The following AOC1 variants were observed in gnomAD, a reference collection of about 807,000 sequenced individuals.
The protein encoded by AOC1 is diamine oxidase [copper-containing].
In AOC1, 58 loss-of-function variants were observed where a neutral mutation model predicts 57.1. The ratio of observed to expected loss-of-function variants is 1.02; its 90% confidence interval spans 0.82 to 1.26. The LOEUF is 1.26. Among genes scored for constraint, AOC1 ranks in the 50% most tolerant of loss-of-function variants. The pLI is 0.00. For missense variants in AOC1, 917 were observed against 1,005.3 expected, an observed-to-expected ratio of 0.91 and a Z score of 1.19; for synonymous variants, 401 against 423.4, an observed-to-expected ratio of 0.95 and a Z score of 0.65.
At chr7:150,855,727 G>A (rs1161846674) in intron 1 of AOC1, among the ~76,000 whole-genome samples, 1 of 152,168 alleles carries the variant, frequency 6.6e-6, no homozygotes, top group Admixed American at 6.5e-5. Flanking sequence ...GGCTGGTGTC[G>A]ATAGCCTGTA....
intron 4 of AOC1, 124 bp downstream of exon 4, chr7:150,860,757 G>A: frequency 7.2e-7 from 1 of 1,390,364 alleles, no homozygotes; most frequent in Non-Finnish European, 9.9e-7. Context: ...CCCAGTCGCA[G>A]GAGCTGTGCC....
At chr7:150,853,418 A>G (rs555324492) in intron 1 of AOC1, among the ~76,000 whole-genome samples, 2 of 152,028 alleles carry the variant, frequency 1.3e-5, no homozygotes, top group East Asian at 3.9e-4. Context: ...ATTCCTCTTT[A>G]AAAGACTCCT....
At position 150,855,386 on chromosome 7, in the gene AOC1, G is replaced by A. The variant is rs138183746; in HGVS notation, c.-16-1069G>A. On this transcript the variant is annotated intron_variant, in intron 1 of 4. Transcript: ENST00000360937. ...AGAGTAACAGTCTCCCAGAGACTCC[G>A]CACACAGCACATGGGAAGACAGAGC... Among the ~76,000 whole-genome samples, 12 of 152,292 alleles carry A rather than the reference G, an allele frequency of 7.9e-5. No homozygotes were observed. In the East Asian group the frequency reaches 1.9e-3, roughly 24 times the overall value.
In AOC1 at chr7:150,857,229, T is replaced by G. The variant is rs1285867158; in HGVS notation, c.759T>G (p.Tyr253Ter). The G allele has an allele frequency of 1.2e-6, 2 of 1,612,396 alleles. No homozygotes were observed. Among genetic ancestry groups the G allele is most frequent in the Admixed American group, 3.3e-5 (2 of 59,882 alleles). ...YGSPEELARK[Y>*]ADGEVDVVVL... The stretch of plus-strand genomic sequence containing the variant: ...GCCCAGAGGAACTGGCTCGGAAGTA[T>G]GCAGATGGAGAGGTGGACGTGGTGG... Residue 253 changes from tyrosine (Y) to a stop codon, truncating the protein, a stop_gained, in exon 2 of 5, where the codon TAT becomes TAG. Coordinates refer to ENST00000360937, the MANE Select transcript of AOC1 (RefSeq NM_001091.4). LOFTEE classifies it high-confidence loss of function. This position sits in a 1 kb window ranked among gnomAD's most constrained non-coding sequence, Gnocchi z 6.6.
chr7:150,856,675 G>C lies in AOC1; in HGVS notation c.205G>C (p.Val69Leu), dbSNP rs774524565. ...SSTTTMAKNTVFLIEMLLPKK... is the reference protein window; with the variant it reads ...SSTTTMAKNTLFLIEMLLPKK... Reference sequence around the variant, plus strand: ...TACCACCACCATGGCCAAGAACACCGTGTTTCTCATCGAGATGCTGCTGCC... The same window carrying C: ...TACCACCACCATGGCCAAGAACACCCTGTTTCTCATCGAGATGCTGCTGCC... The change falls in exon 2 of 5, where the codon GTG becomes CTG. Residue 69 changes from valine (V) to leucine (L), a missense_variant. By Grantham distance (32) the Val-to-Leu change is conservative. Transcript: ENST00000360937. This position sits in a 1 kb window ranked among gnomAD's most constrained non-coding sequence, Gnocchi z 5.2. 6.2e-7 allele frequency: 1 copy of C among 1,614,178 alleles called. No homozygotes were observed. Among genetic ancestry groups the C allele is most frequent in the African/African-American group, 1.3e-5 (1 of 75,058 alleles).
rs1246940222 is a variant in AOC1 at position 150,856,091 on chromosome 7, C to T, written c.-16-364C>T. On this transcript the variant is annotated intron_variant, in intron 1 of 4. Coordinates refer to ENST00000360937, the MANE Select transcript of AOC1 (RefSeq NM_001091.4). This position sits in a 1 kb window ranked among gnomAD's most constrained non-coding sequence, Gnocchi z 5.2. ...CTGTTAATACAGGTGTCTTCTTCTCCAGGACACAAGAAGCACCTGGGGGCA... is the reference window on the plus strand; with the variant it reads ...CTGTTAATACAGGTGTCTTCTTCTCTAGGACACAAGAAGCACCTGGGGGCA... Among the ~76,000 whole-genome samples the T allele has an allele frequency of 3.3e-5, 5 of 152,150 alleles. No homozygotes were observed. The highest frequency in any genetic ancestry group is 1.2e-4 in the African/African-American group (5 of 41,452).
Position 150,861,378 on chromosome 7 carries a change from A to C in AOC1, c.*169A>C. ...CGTGCACACACACAGACGTGCACAC[A>C]CACACAGACATGCACACACACACAG... On this transcript the variant is annotated 3_prime_UTR_variant, in exon 5 of 5. Transcript: ENST00000360937. This position sits in a 1 kb window ranked among gnomAD's most constrained non-coding sequence, Gnocchi z 4.5. The C allele has an allele frequency of 2.8e-6, 2 of 719,424 alleles. No homozygotes were observed. The highest frequency in any genetic ancestry group is 4.8e-5 in the South Asian group (2 of 41,770). 44.6% of individuals were successfully genotyped at this position (719,424 alleles called of 1,614,324 possible).
Position 150,861,042 on chromosome 7 carries a change from C to T in AOC1, c.2089C>T (p.Arg697Trp), listed in dbSNP as rs368688152. 4.4e-5 allele frequency: 71 copies of T among 1,614,124 alleles called. No homozygotes were observed. The highest frequency in any genetic ancestry group is 5.6e-5 in the Non-Finnish European group (66 of 1,179,982). The change falls in exon 5 of 5, where the codon CGG becomes TGG. Residue 697 changes from arginine (R) to tryptophan (W), a missense_variant. Coordinates refer to ENST00000360937, the MANE Select transcript of AOC1 (RefSeq NM_001091.4). This position sits in a 1 kb window ranked among gnomAD's most constrained non-coding sequence, Gnocchi z 4.5. ...TGGGAACTCCGTGGGCTTCCTGCTC[C>T]GGCCATTCAACTTCTTCCCAGAGGA... ...TPGNSVGFLL[R>W]PFNFFPEDPS...
At chr7:150,860,188 AAAAG>A (rs1344563807) in intron 3 of AOC1, among the ~76,000 whole-genome samples, 54 of 142,724 alleles carry the variant, frequency 3.8e-4, no homozygotes, top group African/African-American at 1.6e-3. Flanking sequence ...AAAAAAAAGA[AAAAG>A]AAAAGAAAAG....
At position 150,858,027 on chromosome 7, in the gene AOC1, C is replaced by A. The variant is rs1180880993; in HGVS notation, c.1557C>A (p.Asp519Glu). The A allele has an allele frequency of 1.3e-6, 2 of 1,519,676 alleles. No individual in the cohort carries two copies. The highest frequency in any genetic ancestry group is 1.3e-5 in the South Asian group (1 of 77,788). The allele number at this position is 1,519,676 out of a possible 1,614,324, so 94.1% of individuals were successfully genotyped here. ...IHTHLVHYRV[D>E]LDVAGTKNSF... ...CTCACTTGGTGCACTACCGCGTAGA[C>A]CTGGATGTGGCAGGTAGGACTCAAA... The change falls in exon 2 of 5, where the codon GAC becomes GAA. Residue 519 changes from aspartate (D) to glutamate (E), a missense_variant. Coordinates refer to ENST00000360937, the MANE Select transcript of AOC1 (RefSeq NM_001091.4).
At chr7:150,860,237 G>A (rs951588737) in intron 3 of AOC1, among the ~76,000 whole-genome samples, 2 of 149,512 alleles carry the variant, frequency 1.3e-5, no homozygotes, top group Non-Finnish European at 3.0e-5. Flanking sequence ...GACCCATGCA[G>A]CTCACACCTG....
chr7:150,852,819 G>T lies in AOC1; in HGVS notation c.-17+261G>T, dbSNP rs1799660349. Among the ~76,000 whole-genome samples the T allele has an allele frequency of 6.6e-6, 1 of 152,122 alleles. No homozygotes were observed. Among genetic ancestry groups the T allele is most frequent in the South Asian group, 2.1e-4 (1 of 4,828 alleles). Reference sequence around the variant, plus strand: ...GGCTTGCTTCCTGTTCCTGCCTGGAGGTCTCACCAGCCACCACCCCCACTG... The same window carrying T: ...GGCTTGCTTCCTGTTCCTGCCTGGATGTCTCACCAGCCACCACCCCCACTG... On this transcript the variant is annotated intron_variant, in intron 1 of 4. Transcript: ENST00000360937. The surrounding 1 kb of genome is among the most constrained non-coding windows in gnomAD (Gnocchi z 4.6).
Position 150,857,603 on chromosome 7 carries a change from T to C in AOC1, c.1133T>C (p.Leu378Pro). The C allele has an allele frequency of 6.2e-7, 1 of 1,614,004 alleles. No homozygotes were observed. Among genetic ancestry groups the C allele is most frequent in the Non-Finnish European group, 8.5e-7 (1 of 1,180,002 alleles). The change falls in exon 2 of 5, where the codon CTG (leucine) becomes CCG (proline). Residue 378 changes from leucine to proline, a missense_variant. Leu to Pro is a moderately conservative substitution (Grantham distance 98). Coordinates refer to ENST00000360937, the MANE Select transcript of AOC1 (RefSeq NM_001091.4). The surrounding 1 kb of genome is among the most constrained non-coding windows in gnomAD (Gnocchi z 6.6). ...AAGTACCTCGATGTCGGCTGGGGCC[T>C]GGGCAGCGTCACTCATGAGTTAGCC... ...QTKYLDVGWG[L>P]GSVTHELAPG...
intron 2 of AOC1, 70 bp from the exon 3 acceptor site, chr7:150,858,693 T>C (rs192713662): frequency 8.8e-6 from 13 of 1,472,628 alleles, no homozygotes; most frequent in Non-Finnish European, 1.8e-6. Flanking sequence ...ATGGAGATCC[T>C]GGGGTAGAAT....
rs374520146 is a variant in AOC1 at position 150,857,943 on chromosome 7, C to A, written c.1473C>A (p.Thr491=). ...GCTACGTCCACGCCACCTTCTACAC[C>A]CCCGAGGGGCTGCGCCACGGCACTC... is the stretch of plus-strand genomic sequence containing the variant. ...ATGYVHATFY[T]PEGLRHGTRL... The change falls in exon 2 of 5, where the codon ACC becomes ACA. Residue 491 remains threonine (T), a synonymous_variant. Coordinates refer to ENST00000360937, the MANE Select transcript of AOC1 (RefSeq NM_001091.4). This position sits in a 1 kb window ranked among gnomAD's most constrained non-coding sequence, Gnocchi z 6.6. The A allele has an allele frequency of 1.2e-6, 2 of 1,609,294 alleles. No homozygotes were observed. The highest frequency in any genetic ancestry group is 1.7e-6 in the Non-Finnish European group (2 of 1,178,890).
intron 1 of AOC1, among the ~76,000 whole-genome samples, chr7:150,855,426 CT>C (rs1169898551): frequency 7.9e-5 from 12 of 152,194 alleles, no homozygotes; most frequent in Non-Finnish European, 1.5e-4. Flanking sequence ...GCCACCACGT[CT>C]CCCAGCCCTG....
rs374958642 is a variant in AOC1, at chr7:150,861,074, C to T, written c.2121C>T (p.Ser707=). 1 of 1,614,048 alleles carries T rather than the reference C, an allele frequency of 6.2e-7. No individual in the cohort carries two copies. Among genetic ancestry groups the T allele is most frequent in the African/African-American group, 1.3e-5 (1 of 74,920 alleles). The part of the protein sequence containing the change: ...RPFNFFPEDP[S]LASRDTVIVW... ...TCAACTTCTTCCCAGAGGACCCCTCCCTGGCATCCAGAGACACTGTGATCG... is the reference window on the plus strand; with the variant it reads ...TCAACTTCTTCCCAGAGGACCCCTCTCTGGCATCCAGAGACACTGTGATCG... The change falls in exon 5 of 5, where the codon TCC becomes TCT. Residue 707 remains serine, a synonymous_variant. Transcript: ENST00000360937. This position sits in a 1 kb window ranked among gnomAD's most constrained non-coding sequence, Gnocchi z 4.5.
rs1224876347 is a variant in AOC1, at chr7:150,857,331, C to T, written c.861C>T (p.Pro287=). ...EEPPLFSSHK[P]RGDFPSPIHV... ...CGCCCCTCTTCTCCTCCCACAAGCC[C>T]CGCGGGGACTTCCCCAGCCCCATCC... The change falls in exon 2 of 5, where the codon CCC becomes CCT. Residue 287 remains proline (P), a synonymous_variant. Transcript: ENST00000360937. The surrounding 1 kb of genome is among the most constrained non-coding windows in gnomAD (Gnocchi z 6.6). 6.2e-7 allele frequency: 1 copy of T among 1,600,924 alleles called. No individual in the cohort carries two copies. The highest frequency in any genetic ancestry group is 2.2e-5 in the East Asian group (1 of 44,554).
At chr7:150,854,025 A>G (rs1178106990) in intron 1 of AOC1, 1 of 152,188 alleles carries the variant, frequency 6.6e-6, no homozygotes, top group Non-Finnish European at 1.5e-5. Context: ...GTCTCAGGAA[A>G]AAGAAAAAAT....
Sources: gnomAD v4.1 joint callset for allele counts (sites outside exome capture counted in the v4.1 genomes callset) on GRCh38, gnomAD v4.1.1 for gene constraint, Gnocchi (gnomAD v3.1) non-coding constraint, MANE v1.5 for transcripts, NCBI Gene and HGNC (gene_info 2026-07-23, HGNC 2026-07-21) for gene names.